Variants in FYTTD1 observed in about 807,000 individuals in gnomAD.
FYTTD1 encodes the protein UAP56-interacting factor.
Under a neutral mutation model 40.9 loss-of-function variants are expected in FYTTD1, and 22 were observed. That is an observed-to-expected ratio of 0.54 (90% CI 0.38 to 0.77). FYTTD1 has a LOEUF of 0.77. Ranked by LOEUF, FYTTD1 falls within the 30% of genes least tolerant of loss-of-function variation. FYTTD1 has a pLI of 0.00. For missense variants in FYTTD1, 351 were observed against 392.2 expected (o/e 0.90, Z 0.89); for synonymous variants, 140 against 137.9 (o/e 1.01, Z -0.10).
chr3:197,771,693 C>T (rs1450336644), intron 4 of FYTTD1, among the ~76,000 whole-genome samples: 4 of 142,622 alleles, frequency 2.8e-5, no homozygotes, highest in Admixed American at 7.7e-5. Flanking sequence ...AGGAGAATGG[C>T]GTGAACCCGG....
chr3:197,779,420 A>T lies in FYTTD1; in HGVS notation c.858+956A>T, dbSNP rs116931954. On this transcript the variant is annotated intron_variant, in intron 8 of 8. Transcript: ENST00000241502. ...CAGAGCAATACTACATCTCAAAAAA[A>T]AAAAGGTCAAAACCACATTGACAAT... 1.8e-3 allele frequency among the ~76,000 whole-genome samples: 278 copies of T among 152,270 alleles called. 8 individuals are homozygous for T. In the East Asian group the frequency reaches 0.041, roughly 22 times the overall value.
rs1729871397 is a variant in FYTTD1, at chr3:197,776,284, C to G, written c.657-643C>G. The stretch of plus-strand genomic sequence containing the variant: ...GCAGTGGCACAATCTCAGTTCACTG[C>G]AACCTCCCCCTCCCGGGTTCAAGCA... On this transcript the variant is annotated intron_variant, in intron 6 of 8. Transcript: ENST00000241502. 2.0e-5 allele frequency among the ~76,000 whole-genome samples: 3 copies of G among 150,836 alleles called. No individual in the cohort carries two copies. In the South Asian group the frequency reaches 6.3e-4, roughly 32 times the overall value.
At chr3:197,778,992 A>G (rs1729950376) in intron 8 of FYTTD1, among the ~76,000 whole-genome samples, 2 of 152,210 alleles carry the variant, frequency 1.3e-5, no homozygotes, top group South Asian at 4.1e-4. Context: ...AGTCTGTGCT[A>G]CAGCTTAATA....
intron 2 of FYTTD1, among the ~76,000 whole-genome samples, chr3:197,761,095 C>G (rs994001929): frequency 4.0e-5 from 6 of 150,074 alleles, no homozygotes; most frequent in Non-Finnish European, 1.5e-5. Context: ...TAGAGTTGTT[C>G]TTCAGTGGTA....
intron 2 of FYTTD1, among the ~76,000 whole-genome samples, chr3:197,767,076 C>CT (rs57992035): frequency 0.066 from 9,593 of 146,164 alleles, 634 homozygotes; most frequent in African/African-American, 0.17. Context: ...AATTTACCCC[C>CT]TTTTTTTTTT....
chr3:197,763,612 AC>A, intron 2 of FYTTD1: 1 of 401,362 alleles, frequency 2.5e-6, no homozygotes, highest in South Asian at 1.8e-5. Flanking sequence ...CCCCGTCTCT[AC>A]AAAAAAAAAG....
At chr3:197,750,651 G>A in intron 1 of FYTTD1, 1 of 985,406 alleles carries the variant, frequency 1.0e-6, no homozygotes, top group Non-Finnish European at 1.2e-6. Context: ...CCGCGGCCCC[G>A]GAGCGTCTGT....
At chr3:197,754,577 A>C (rs547109373) in intron 1 of FYTTD1, among the ~76,000 whole-genome samples, 1 of 152,062 alleles carries the variant, frequency 6.6e-6, no homozygotes, top group African/African-American at 2.4e-5. Context: ...GACTGTATGC[A>C]ATTTCTTTGT....
At chr3:197,775,787 AAAT>A (rs1729858570) in intron 6 of FYTTD1, among the ~76,000 whole-genome samples, 3 of 152,374 alleles carry the variant, frequency 2.0e-5, no homozygotes, top group South Asian at 2.1e-4. Context: ...ATGGGGAAAG[AAAT>A]AATAATTGTA....
At chr3:197,750,939 C>T in intron 1 of FYTTD1, 1 of 738,972 alleles carries the variant, frequency 1.4e-6, no homozygotes, top group Non-Finnish European at 1.7e-6. Context: ...ACCGAGGCAC[C>T]AGCCGCTGTG....
chr3:197,770,242 A>G lies in FYTTD1; in HGVS notation c.495A>G (p.Arg165=). The change falls in exon 4 of 9, where the codon AGA becomes AGG. Residue 165 remains arginine (R), a splice_region_variant and synonymous_variant. Transcript: ENST00000241502. ...AVLKRPSQLS[R]KNNIPANFTR... ...TCAAGAGACCTAGCCAGCTAAGCAG[A>G]AAGTAAGTGCTCAAAAATAATAATG... is the stretch of plus-strand genomic sequence containing the variant. 6.4e-7 allele frequency: 1 copy of G among 1,568,936 alleles called. No individual in the cohort carries two copies. Among genetic ancestry groups the G allele is most frequent in the Non-Finnish European group, 8.8e-7 (1 of 1,142,100 alleles).
chr3:197,757,163 A>G (rs1284527775), intron 2 of FYTTD1, among the ~76,000 whole-genome samples: 2 of 152,182 alleles, frequency 1.3e-5, no homozygotes, highest in Non-Finnish European at 2.9e-5. Flanking sequence ...ACACTCAGAA[A>G]TGAATGCTTT....
At chr3:197,780,546 A>ATT (rs1213633153) in intron 8 of FYTTD1, among the ~76,000 whole-genome samples, 3 of 145,904 alleles carry the variant, frequency 2.1e-5, no homozygotes, top group Non-Finnish European at 4.6e-5. Context: ...TTAGGCATAG[A>ATT]TTTTTTTTTT....
At chr3:197,779,405 C>T (rs181146484) in intron 8 of FYTTD1, among the ~76,000 whole-genome samples, 2 of 150,384 alleles carry the variant, frequency 1.3e-5, no homozygotes, top group East Asian at 3.9e-4. Flanking sequence ...CAGAGCAATA[C>T]TACATCTCAA....
intron 3 of FYTTD1, among the ~76,000 whole-genome samples, chr3:197,769,676 C>CT (rs994602219): frequency 1.9e-4 from 28 of 151,004 alleles, no homozygotes; most frequent in East Asian, 3.9e-4. Flanking sequence ...CCCACTTTTT[C>CT]TTTTTTTTTG....
intron 1 of FYTTD1, among the ~76,000 whole-genome samples, chr3:197,752,883 TCA>T (rs2109034517): frequency 6.6e-6 from 1 of 152,342 alleles, no homozygotes; most frequent in South Asian, 2.1e-4. Context: ...TGCCAGGATT[TCA>T]GTCTGATTCT....
At chr3:197,777,822 C>A (rs977958107) in intron 7 of FYTTD1, among the ~76,000 whole-genome samples, 92 of 152,228 alleles carry the variant, frequency 6.0e-4, no homozygotes, top group African/African-American at 2.1e-3. Flanking sequence ...TCCAATAATT[C>A]TCCTGCCTCA....
chr3:197,767,208 C>T lies in FYTTD1; in HGVS notation c.236-1231C>T, dbSNP rs1470303570. Among the ~76,000 whole-genome samples, 12 of 152,154 alleles carry T rather than the reference C, an allele frequency of 7.9e-5. No individual in the cohort carries two copies. In the East Asian group the frequency reaches 1.5e-3, roughly 20 times the overall value. ...AGGCTGAAGTGCAGTGGCACGATCT[C>T]GGCTCACTGCAAGCTCCGCCTCCCA... On this transcript the variant is annotated intron_variant, in intron 2 of 8. Transcript: ENST00000241502.
chr3:197,772,016 C>G (rs1489869088), intron 4 of FYTTD1, among the ~76,000 whole-genome samples: 1 of 152,002 alleles, frequency 6.6e-6, no homozygotes, highest in Admixed American at 6.6e-5. Flanking sequence ...ATCGCTTAAA[C>G]CTGGGGGGCG....
Sources: gnomAD v4.1 joint callset for allele counts (sites outside exome capture counted in the v4.1 genomes callset) on GRCh38, gnomAD v4.1.1 for gene constraint, MANE v1.5 for transcripts, NCBI Gene and HGNC (gene_info 2026-07-23, HGNC 2026-07-21) for gene names.